LTF: variants seen among roughly 807,000 people sequenced by gnomAD.
The protein encoded by LTF is epididymis luminal protein 110.
A neutral mutation model predicts 87.2 loss-of-function variants in LTF; 91 were observed. The ratio of observed to expected loss-of-function variants is 1.04; its 90% confidence interval spans 0.88 to 1.24. LTF has a LOEUF of 1.24. LTF is among the 50% of genes most tolerant of loss of function. LTF has a pLI of 0.00. For synonymous variants in LTF, 378 were observed against 356.1 expected, an observed-to-expected ratio of 1.06 and a Z score of -0.69; for missense variants, 901 against 904.3, an observed-to-expected ratio of 1.00 and a Z score of 0.05.
At chr3:46,474,210 G>T (rs1330268654) in intron 1 of LTF, among the ~76,000 whole-genome samples, 1 of 151,970 alleles carries the variant, frequency 6.6e-6, no homozygotes, top group Non-Finnish European at 1.5e-5. Flanking sequence ...CTTTCCACAA[G>T]AAACTCATTA....
intron 1 of LTF, among the ~76,000 whole-genome samples, chr3:46,474,611 C>G (rs1040168956): frequency 2.0e-4 from 31 of 152,196 alleles, no homozygotes; most frequent in Admixed American, 2.0e-3. Context: ...ACTGAATCAA[C>G]ATTTATAGAG....
chr3:46,439,627 T>C (rs2106829197), intron 14 of LTF, 147 bp from the exon 15 acceptor site: 2 of 637,054 alleles, frequency 3.1e-6, no homozygotes, highest in East Asian at 2.8e-5. Flanking sequence ...AGCTTCATCC[T>C]ACACAAGCTG....
chr3:46,459,531 G>A (rs1172138735), intron 2 of LTF, 125 bp downstream of exon 2: 19 of 900,766 alleles, frequency 2.1e-5, no homozygotes, highest in Non-Finnish European at 2.9e-5. Flanking sequence ...GAGAGAGGAC[G>A]GCTCCCCACT....
rs199748853 is a variant in LTF at position 46,450,575 on chromosome 3, G to A, written c.802C>T (p.Arg268Trp). The A allele has an allele frequency of 1.1e-5, 17 of 1,614,122 alleles. No individual in the cohort carries two copies. The highest frequency in any genetic ancestry group is 6.6e-5 in the South Asian group (6 of 91,072). ...VDKFKDCHLA[R>W]VPSHAVVARS... Reference sequence around the variant, plus strand: ...GCCACAACGGCATGAGAAGGGACCCGGGCCAGATGGCAGTCTTTGAACTTG... The same window carrying A: ...GCCACAACGGCATGAGAAGGGACCCAGGCCAGATGGCAGTCTTTGAACTTG... Residue 268 changes from arginine to tryptophan, a missense_variant, in exon 7 of 17, where the codon CGG becomes TGG. By Grantham distance (101) the Arg-to-Trp change is moderately radical. Coordinates refer to ENST00000231751, the MANE Select transcript of LTF (RefSeq NM_002343.6).
upstream of LTF, among the ~76,000 whole-genome samples, chr3:46,468,853 G>C (rs539306186): frequency 6.6e-6 from 1 of 152,344 alleles, no homozygotes; most frequent in African/African-American, 2.4e-5. Flanking sequence ...ACTGATGGCA[G>C]CTTGATATCA....
At chr3:46,441,137 T>C (rs1338786484) in intron 14 of LTF, among the ~76,000 whole-genome samples, 3 of 152,090 alleles carry the variant, frequency 2.0e-5, no homozygotes, top group Non-Finnish European at 4.4e-5. Context: ...GGGAGACATT[T>C]GCTACTGAGC....
chr3:46,437,706 A>T (rs926951694), intron 16 of LTF, among the ~76,000 whole-genome samples: 1 of 152,172 alleles, frequency 6.6e-6, no homozygotes, highest in South Asian at 2.1e-4. Context: ...CAAAGATTTC[A>T]TGACAGTGCC....
At position 46,445,295 on chromosome 3, in the gene LTF, C is replaced by A; in HGVS notation, c.1499G>T (p.Gly500Val). 5 of 1,609,278 alleles carry A rather than the reference C, an allele frequency of 3.1e-6. No homozygotes were observed. The highest frequency in any genetic ancestry group is 4.2e-6 in the Non-Finnish European group (5 of 1,177,622). The change falls in exon 12 of 17, where the codon GGC becomes GTC. Residue 500 changes from glycine to valine, a missense_variant. By Grantham distance (109) the Gly-to-Val change is moderately radical (BLOSUM62 -3). Coordinates refer to ENST00000231751, the MANE Select transcript of LTF (RefSeq NM_002343.6). ...IPMGLLFNQT[G>V]SCKFDEYFSQ... is the part of the protein sequence containing the mutation. ...GAACTCCTTACCAAATTTGCAGGAG[C>A]CCGTCTGGTTGAAGAGCAGGCCCAT...
At chr3:46,445,558 C>T (rs752499264) in intron 11 of LTF, 122 bp from the exon 12 acceptor site, 3 of 778,624 alleles carry the variant, frequency 3.9e-6, no homozygotes, top group East Asian at 2.7e-5. Context: ...GGCAATGATT[C>T]CCTCAAAGAA....
rs776092128 is a variant in LTF at position 46,464,887 on chromosome 3, C to T, written c.-20G>A. ...TTTCATGTCTGCGGTCTGGAGGCGA[C>T]TTGGCAAACGAAGGCTCTGCCACTT... On this transcript the variant is annotated 5_prime_UTR_variant, in exon 1 of 17. Transcript: ENST00000231751. The T allele has an allele frequency of 1.9e-6, 3 of 1,613,920 alleles. No individual in the cohort carries two copies. In the South Asian group the frequency reaches 3.3e-5, roughly 18 times the overall value.
At chr3:46,447,436 G>T in intron 9 of LTF, 38 bp from the exon 10 acceptor site, 1 of 1,420,488 alleles carries the variant, frequency 7.0e-7, no homozygotes, top group Non-Finnish European at 1.0e-6. Flanking sequence ...CCACAGTGAG[G>T]CTGCATCCCG....
At chr3:46,455,487 G>A in intron 4 of LTF, 45 bp from the exon 5 acceptor site, 1 of 1,611,836 alleles carries the variant, frequency 6.2e-7, no homozygotes. Flanking sequence ...AGCCAGCCCT[G>A]GTCACAGCAG....
At chr3:46,466,972 C>G (rs1210463672), upstream of LTF, among the ~76,000 whole-genome samples, 1 of 152,124 alleles carries the variant, frequency 6.6e-6, no homozygotes, top group Non-Finnish European at 1.5e-5. Context: ...TTGGCAAGAA[C>G]ACAGAGAACC....
chr3:46,450,031 A>G lies in LTF; in HGVS notation c.883-3T>C. 6 of 1,576,686 alleles carry G rather than the reference A, an allele frequency of 3.8e-6. No homozygotes were observed. The highest frequency in any genetic ancestry group is 5.1e-6 in the Non-Finnish European group (6 of 1,165,108). ...GACTTGTCCTTTCCAAACTTTTCCT[A>G]ATTAAGAAAAAATAGAATTATGGTG... is the stretch of plus-strand genomic sequence containing the variant. On this transcript the variant is annotated splice_region_variant and splice_polypyrimidine_tract_variant and intron_variant, in intron 7 of 16. Coordinates refer to ENST00000231751, the MANE Select transcript of LTF (RefSeq NM_002343.6).
chr3:46,441,457 A>G lies in LTF; in HGVS notation c.1682T>C (p.Val561Ala). The G allele has an allele frequency of 6.2e-7, 1 of 1,613,892 alleles. No homozygotes were observed. The highest frequency in any genetic ancestry group is 8.5e-7 in the Non-Finnish European group (1 of 1,179,890). ...GACAGTGACATCTTTCACAAATGCA[A>G]CGTCTCCAGCATTCTCAGCCAGGCA... The part of the protein sequence containing the change: ...FRCLAENAGD[V>A]AFVKDVTVLQ... The change falls in exon 14 of 17, where the codon GTT becomes GCT. Residue 561 changes from valine (V) to alanine (A), a missense_variant. Transcript: ENST00000231751.
intron 6 of LTF, among the ~76,000 whole-genome samples, chr3:46,451,920 A>T (rs928005438): frequency 6.6e-6 from 1 of 152,228 alleles, no homozygotes; most frequent in African/African-American, 2.4e-5. Context: ...GATAAATGCC[A>T]TTAATCTACA....
At position 46,477,773 on chromosome 3, in the gene LTF, C is replaced by T. The variant is rs142465383; in HGVS notation, c.-320+7213G>A. Among the ~76,000 whole-genome samples, 665 of 152,318 alleles carry T rather than the reference C, an allele frequency of 4.4e-3. 10 individuals are homozygous for T. The highest frequency in any genetic ancestry group is 0.015 in the African/African-American group (640 of 41,556). ...AAGGCCAAACCATACAGTGAAAACT[C>T]AGTCAATATTAACTATTATTGTTAT... On this transcript the variant is annotated intron_variant, in intron 1 of 19. Transcript: ENST00000443496.
At chr3:46,483,828 A>G (rs553875155) in intron 1 of LTF, among the ~76,000 whole-genome samples, 2 of 152,146 alleles carry the variant, frequency 1.3e-5, no homozygotes, top group Non-Finnish European at 2.9e-5. Context: ...AAAAACGGAG[A>G]CAGGGATCTT....
chr3:46,481,661 G>A (rs1703433148), intron 1 of LTF, among the ~76,000 whole-genome samples: 1 of 152,196 alleles, frequency 6.6e-6, no homozygotes, highest in African/African-American at 2.4e-5. Flanking sequence ...TGAGGCAGAA[G>A]AATCACTTGA....
Sources: allele counts gnomAD v4.1 joint callset (sites outside exome capture counted in the v4.1 genomes callset), GRCh38; gene constraint gnomAD v4.1.1; transcripts MANE v1.5; gene names NCBI Gene and HGNC (gene_info 2026-07-23, HGNC 2026-07-21).